CLN8: variants seen among roughly 807,000 people sequenced by gnomAD.
CLN8 encodes the protein protein CLN8.
CLN8 carries 14 observed loss-of-function variants against 15.7 expected under a neutral mutation model. The ratio of observed to expected loss-of-function variants is 0.89; its 90% confidence interval spans 0.59 to 1.39. The LOEUF is 1.39. Ranked by LOEUF, CLN8 falls within the 40% of genes most tolerant of loss-of-function variation. The pLI, the probability that CLN8 is intolerant of heterozygous loss-of-function variation, is 0.00. For synonymous variants in CLN8, 188 were observed against 151.0 expected (o/e 1.25, Z -1.80); for missense variants, 415 against 364.0 (o/e 1.14, Z -1.14).
intron 2 of CLN8, among the ~76,000 whole-genome samples, chr8:1,772,713 C>T (rs963630348): frequency 6.6e-6 from 1 of 152,134 alleles, no homozygotes; most frequent in Admixed American, 6.5e-5. Context: ...CTCCTGACCT[C>T]AGGTGATCTC....
In CLN8 at chr8:1,780,501, C is replaced by T. The variant is rs760610632; in HGVS notation, c.795C>T (p.Phe265=). 20 of 1,614,104 alleles carry T rather than the reference C, an allele frequency of 1.2e-5. No individual in the cohort carries two copies. Among genetic ancestry groups the T allele is most frequent in the Middle Eastern group, 3.3e-4 (2 of 6,084 alleles). Residue 265 remains phenylalanine, a synonymous_variant, in exon 3 of 3, where the codon TTC becomes TTT. Coordinates refer to ENST00000331222, the MANE Select transcript of CLN8 (RefSeq NM_018941.4). ...TTCTCAATCCGGTGGACTGGAACTT[C>T]GCACAGCCAGAAGCCAAGAGCAGGC... The part of the protein sequence containing the change: ...QQLLNPVDWN[F]AQPEAKSRPE...
intron 1 of CLN8, among the ~76,000 whole-genome samples, chr8:1,756,842 C>G (rs1172276728): frequency 1.3e-5 from 2 of 152,094 alleles, no homozygotes; most frequent in East Asian, 3.9e-4. Context: ...ACCACCACAC[C>G]TGGTTAATTT....
chr8:1,767,664 C>T (rs574389331), intron 1 of CLN8, among the ~76,000 whole-genome samples: 8 of 150,402 alleles, frequency 5.3e-5, no homozygotes, highest in Non-Finnish European at 1.0e-4. Context: ...CTCCACCTCC[C>T]GGGTTCAAGC....
intron 2 of CLN8, among the ~76,000 whole-genome samples, chr8:1,778,772 T>C (rs1457752763): frequency 1.3e-5 from 2 of 152,212 alleles, no homozygotes; most frequent in East Asian, 3.9e-4. Context: ...GGTTACTCCA[T>C]TCCGCTGGCC....
chr8:1,758,360 T>C (rs1407604428), intron 1 of CLN8: 1 of 152,134 alleles, frequency 6.6e-6, no homozygotes, highest in Non-Finnish European at 1.5e-5. Context: ...GTTGATGAGA[T>C]TTATTCTGAG....
chr8:1,759,921 G>A (rs1426746897), upstream of CLN8: 2 of 152,170 alleles, frequency 1.3e-5, no homozygotes, highest in Non-Finnish European at 2.9e-5. Context: ...CTGTTTAGGA[G>A]GAAGAAACAG....
intron 1 of CLN8, among the ~76,000 whole-genome samples, chr8:1,768,834 A>G (rs897632525): frequency 2.0e-5 from 3 of 152,128 alleles, no homozygotes; most frequent in African/African-American, 7.2e-5. Context: ...CCTTAATACC[A>G]TGTTCAACCT....
At chr8:1,764,414 G>T in intron 1 of CLN8, 1 of 152,478 alleles carries the variant, frequency 6.6e-6, no homozygotes, top group Non-Finnish European at 1.5e-5. Flanking sequence ...AGACCGGCTG[G>T]GCAAGTACGG....
At chr8:1,764,921 CCCGT>C (rs1800987653) in intron 1 of CLN8, 1 of 152,224 alleles carries the variant, frequency 6.6e-6, no homozygotes, top group African/African-American at 2.4e-5. Context: ...TTACCTCACT[CCCGT>C]ATTTTGATTT....
upstream of CLN8, among the ~76,000 whole-genome samples, chr8:1,760,717 G>C (rs1169865249): frequency 6.6e-6 from 1 of 152,146 alleles, no homozygotes; most frequent in Non-Finnish European, 1.5e-5. Context: ...ATGGAGAAAG[G>C]GGTCCAGTCC....
At chr8:1,761,416 C>T (rs1276635307), upstream of CLN8, among the ~76,000 whole-genome samples, 3 of 152,192 alleles carry the variant, frequency 2.0e-5, no homozygotes, top group East Asian at 3.9e-4. Flanking sequence ...CCTCCGCCTT[C>T]AGGGTTCAAG....
intron 2 of CLN8, 81 bp from the exon 3 acceptor site, chr8:1,780,169 T>C: frequency 1.2e-6 from 2 of 1,611,720 alleles, no homozygotes; most frequent in Non-Finnish European, 1.7e-6. Flanking sequence ...GTAAGTAAGG[T>C]AGCAAATACC....
At chr8:1,753,743 G>A (rs147793005), upstream of CLN8, among the ~76,000 whole-genome samples, 2,386 of 148,668 alleles carry the variant, frequency 0.016, 53 homozygotes, top group African/African-American at 0.055. Context: ...AAAATTAGCC[G>A]GCTGTGGTTG....
At chr8:1,760,488 G>T (rs866360033), upstream of CLN8, 1 of 152,114 alleles carries the variant, frequency 6.6e-6, no homozygotes, top group Non-Finnish European at 1.5e-5. Context: ...GATCAGTTAT[G>T]CCTGTGATGG....
At chr8:1,776,330 C>T (rs578121265) in intron 2 of CLN8, among the ~76,000 whole-genome samples, 1 of 151,756 alleles carries the variant, frequency 6.6e-6, no homozygotes, top group African/African-American at 2.4e-5. Context: ...GGAAGGTGAA[C>T]TCTGTGAGGG....
rs577889685 is a variant in CLN8, at chr8:1,772,197, A to G, written c.543+600A>G. ...GTGGTCCGCCTGCCTGGGCCTCCCAAAGTGCTGGAATTACAAATGTGAGCC... is the reference window on the plus strand; with the variant it reads ...GTGGTCCGCCTGCCTGGGCCTCCCAGAGTGCTGGAATTACAAATGTGAGCC... On this transcript the variant is annotated intron_variant, in intron 2 of 2. Coordinates refer to ENST00000331222, the MANE Select transcript of CLN8 (RefSeq NM_018941.4). 3.5e-4 allele frequency among the ~76,000 whole-genome samples: 53 copies of G among 152,168 alleles called. No homozygotes were observed. The South Asian group carries it at 5.8e-3, about 17-fold the overall frequency.
chr8:1,771,699 C>T, intron 2 of CLN8, 102 bp downstream of exon 2: 1 of 1,003,058 alleles, frequency 1.0e-6, no homozygotes, highest in Non-Finnish European at 1.5e-6. Flanking sequence ...GGCTGGATTG[C>T]AGCACACACA....
At position 1,785,954 on chromosome 8, in the gene CLN8, G is replaced by C. The variant is rs1224037085; in HGVS notation, c.*5387G>C. 1 of 153,164 alleles carries C rather than the reference G, an allele frequency of 6.5e-6. No homozygotes were observed. The highest frequency in any genetic ancestry group is 1.5e-5 in the Non-Finnish European group (1 of 68,606). 9.5% of individuals were successfully genotyped at this position (153,164 alleles called of 1,614,324 possible). ...CCTAGGAAGGAAGGGCAGAGTCCCAGGTGTCAGCTGGTGGGTCTCCCAGGA... is the reference window on the plus strand; with the variant it reads ...CCTAGGAAGGAAGGGCAGAGTCCCACGTGTCAGCTGGTGGGTCTCCCAGGA... On this transcript the variant is annotated 3_prime_UTR_variant, in exon 3 of 3. Coordinates refer to ENST00000331222, the MANE Select transcript of CLN8 (RefSeq NM_018941.4).
chr8:1,774,719 G>T (rs1801446233), intron 2 of CLN8, among the ~76,000 whole-genome samples: 1 of 152,178 alleles, frequency 6.6e-6, no homozygotes, highest in Non-Finnish European at 1.5e-5. Flanking sequence ...CAGGCCAAGT[G>T]CGGTGGCTCA....
Sources: allele counts gnomAD v4.1 joint callset (sites outside exome capture counted in the v4.1 genomes callset), GRCh38; gene constraint gnomAD v4.1.1; transcripts MANE v1.5; gene names NCBI Gene and HGNC (gene_info 2026-07-23, HGNC 2026-07-21).